CDC42SE2: variants seen among roughly 807,000 people sequenced by gnomAD.
The protein encoded by CDC42SE2 is CDC42 small effector protein 2.
CDC42SE2 carries 3 observed loss-of-function variants against 11.5 expected under a neutral mutation model. The observed-to-expected ratio is 0.26, with a 90% CI of 0.12 to 0.67. The LOEUF is 0.67. CDC42SE2 is among the 30% of genes least tolerant of loss of function. The probability of loss-of-function intolerance (pLI) is 0.80; values close to 1 mark genes in which losing one functional copy is unlikely to be tolerated. For synonymous variants in CDC42SE2, 33 were observed against 34.8 expected (o/e 0.95, Z 0.18); for missense variants, 82 against 106.8 (o/e 0.77, Z 1.02).
At chr5:131,308,984 T>TGAATAG (rs1757838844) in intron 1 of CDC42SE2, among the ~76,000 whole-genome samples, 1 of 149,628 alleles carries the variant, frequency 6.7e-6, no homozygotes, top group Non-Finnish European at 1.5e-5. Context: ...AACACTATGT[T>TGAATAG]GAATAGGAGT....
At position 131,365,954 on chromosome 5, in the gene CDC42SE2, C is replaced by A. The variant is rs377663449; in HGVS notation, c.54+6407C>A. On this transcript the variant is annotated intron_variant, in intron 3 of 4. Transcript: ENST00000505065. The stretch of plus-strand genomic sequence containing the variant: ...TGGAGATTGCGCCACTGCACTCCAG[C>A]CTGGAGACAGAGCGAGATTCTGTTA... 8.5e-5 allele frequency among the ~76,000 whole-genome samples: 13 copies of A among 152,230 alleles called. No individual in the cohort carries two copies. In the East Asian group the frequency reaches 1.4e-3, roughly 16 times the overall value.
At chr5:131,388,684 C>T (rs1355534590) in intron 4 of CDC42SE2, among the ~76,000 whole-genome samples, 4 of 152,128 alleles carry the variant, frequency 2.6e-5, no homozygotes, top group Non-Finnish European at 5.9e-5. Context: ...ATTGTCTCAA[C>T]ACTGAAAGAT....
chr5:131,317,368 C>T (rs1420577352), intron 2 of CDC42SE2, among the ~76,000 whole-genome samples: 1 of 152,076 alleles, frequency 6.6e-6, no homozygotes, highest in Non-Finnish European at 1.5e-5. Flanking sequence ...GAATAGTTTG[C>T]CTTCTATTTT....
chr5:131,310,021 T>C (rs988264149), intron 1 of CDC42SE2, among the ~76,000 whole-genome samples: 1 of 152,232 alleles, frequency 6.6e-6, no homozygotes, highest in Non-Finnish European at 1.5e-5. Flanking sequence ...CTTGTCTAGT[T>C]CTTTTAATTG....
At chr5:131,380,163 G>GAGTA (rs1183219052) in intron 3 of CDC42SE2, among the ~76,000 whole-genome samples, 1 of 152,062 alleles carries the variant, frequency 6.6e-6, no homozygotes, top group Admixed American at 6.5e-5. Context: ...TTGGTTACAT[G>GAGTA]AGTAAGTTCT....
At chr5:131,262,084 C>T (rs1756732305), upstream of CDC42SE2, among the ~76,000 whole-genome samples, 1 of 151,530 alleles carries the variant, frequency 6.6e-6, no homozygotes, top group African/African-American at 2.4e-5. Context: ...AAATTTACTA[C>T]TTAAGGCATT....
chr5:131,335,784 T>A (rs1221205261), intron 2 of CDC42SE2, among the ~76,000 whole-genome samples: 3 of 152,240 alleles, frequency 2.0e-5, no homozygotes, highest in Non-Finnish European at 4.4e-5. Flanking sequence ...GAGACTAAGA[T>A]TGCAACCCCT....
chr5:131,268,533 A>G (rs535547238), intron 1 of CDC42SE2, among the ~76,000 whole-genome samples: 4 of 150,306 alleles, frequency 2.7e-5, no homozygotes, highest in Non-Finnish European at 5.9e-5. Context: ...GCTCACTGCA[A>G]CCTCCACCTC....
At chr5:131,260,435 C>A (rs1240467474), upstream of CDC42SE2, among the ~76,000 whole-genome samples, 1 of 151,800 alleles carries the variant, frequency 6.6e-6, no homozygotes. Context: ...CCAGCCTGGC[C>A]GACATGGTGA....
chr5:131,299,651 G>C (rs1757641001), intron 1 of CDC42SE2, among the ~76,000 whole-genome samples: 2 of 152,162 alleles, frequency 1.3e-5, no homozygotes, highest in African/African-American at 4.8e-5. Context: ...TGGGTGTGAG[G>C]CTAAATTAAA....
intron 2 of CDC42SE2, among the ~76,000 whole-genome samples, chr5:131,329,168 G>T (rs1357559885): frequency 6.6e-6 from 1 of 152,212 alleles, no homozygotes; most frequent in East Asian, 1.9e-4. Context: ...GCCAATTTCT[G>T]TGGCTAAGGG....
chr5:131,227,563 T>A, the CDC42SE2 span, among the ~76,000 whole-genome samples: 1 of 152,220 alleles, frequency 6.6e-6, no homozygotes, highest in Non-Finnish European at 1.5e-5. Flanking sequence ...AAACTAAAAT[T>A]GAACATTAAT....
At chr5:131,382,176 A>C (rs1317765600) in intron 3 of CDC42SE2, among the ~76,000 whole-genome samples, 1 of 152,218 alleles carries the variant, frequency 6.6e-6, no homozygotes, top group Non-Finnish European at 1.5e-5. Context: ...TGATAGAAGT[A>C]AGCTGAAGTC....
the CDC42SE2 span, among the ~76,000 whole-genome samples, chr5:131,216,812 T>C: frequency 6.6e-6 from 1 of 152,142 alleles, no homozygotes; most frequent in Admixed American, 6.6e-5. Flanking sequence ...CTTCCATCCA[T>C]AAAGGGAAGT....
In CDC42SE2 at chr5:131,338,926, C is replaced by T. The variant is rs115695417; in HGVS notation, c.-285-20283C>T. 3.8e-3 allele frequency among the ~76,000 whole-genome samples: 585 copies of T among 152,132 alleles called. 1 individual carries two copies. The highest frequency in any genetic ancestry group is 5.8e-3 in the Non-Finnish European group (392 of 68,000). ...GAGCCTGACCTTGTGAATTTCGAAGCAGTAGCAAATGTGAACTGCTCTTTA... is the reference window on the plus strand; with the variant it reads ...GAGCCTGACCTTGTGAATTTCGAAGTAGTAGCAAATGTGAACTGCTCTTTA... On this transcript the variant is annotated intron_variant, in intron 2 of 4. Transcript: ENST00000505065.
the CDC42SE2 span, among the ~76,000 whole-genome samples, chr5:131,227,281 A>G: frequency 6.6e-6 from 1 of 152,146 alleles, no homozygotes. Flanking sequence ...ATAATACTAT[A>G]ATAATTACAA....
chr5:131,262,573 T>G (rs959485593), upstream of CDC42SE2, among the ~76,000 whole-genome samples: 1 of 151,956 alleles, frequency 6.6e-6, no homozygotes, highest in South Asian at 2.1e-4. Flanking sequence ...GCTAAACATA[T>G]CAGATAAATA....
intron 1 of CDC42SE2, among the ~76,000 whole-genome samples, chr5:131,310,521 T>G (rs1412328734): frequency 2.2e-4 from 33 of 151,850 alleles, no homozygotes; most frequent in African/African-American, 7.0e-4. Context: ...TCTGTCTCAT[T>G]GATCTGTCTA....
chr5:131,324,459 C>T (rs181710217), intron 2 of CDC42SE2, among the ~76,000 whole-genome samples: 3 of 152,180 alleles, frequency 2.0e-5, no homozygotes, highest in African/African-American at 4.8e-5. Flanking sequence ...TATCCCTTTC[C>T]GTAGACCTGC....
Sources: allele counts gnomAD v4.1 joint callset (sites outside exome capture counted in the v4.1 genomes callset), GRCh38; gene constraint gnomAD v4.1.1; transcripts MANE v1.5; gene names NCBI Gene and HGNC (gene_info 2026-07-23, HGNC 2026-07-21).